The following HAUS2 variants were observed in gnomAD, a reference collection of about 807,000 sequenced individuals.
The protein encoded by HAUS2 is HAUS augmin-like complex subunit 2.
HAUS2 carries 20 observed loss-of-function variants against 21.6 expected under a neutral mutation model. The ratio of observed to expected loss-of-function variants is 0.93; its 90% CI spans 0.65 to 1.35. The LOEUF (loss-of-function observed/expected upper bound fraction) is 1.35, where lower values mean the gene tolerates loss of function less well. Among genes scored for constraint, HAUS2 ranks in the 40% most tolerant of loss-of-function variants. HAUS2 has a pLI of 0.00. For missense variants in HAUS2, 297 were observed against 280.7 expected (o/e 1.06, Z -0.42); for synonymous variants, 113 against 95.6 (o/e 1.18, Z -1.06).
At position 42,548,846 on chromosome 15, in the gene HAUS2, C is replaced by T. The variant is rs959732239; in HGVS notation, c.-27C>T. 2.6e-6 allele frequency: 4 copies of T among 1,522,460 alleles called. No individual in the cohort carries two copies. Among genetic ancestry groups the T allele is most frequent in the Non-Finnish European group, 3.6e-6 (4 of 1,123,880 alleles). 94.3% of individuals were successfully genotyped at this position (1,522,460 alleles called of 1,614,324 possible). A position where few individuals can be genotyped will look rare whatever the true frequency, so the allele number is the denominator to read the frequency against. On this transcript the variant is annotated 5_prime_UTR_variant, in exon 1 of 6. Transcript: ENST00000260372. The stretch of plus-strand genomic sequence containing the variant: ...GCCCTGCGATCCCGCTCACTCTTGG[C>T]GCCTTCGCGGAAGGTGCGTCCGAGC...
rs1203684489 is a variant in HAUS2 at position 42,569,396 on chromosome 15, T to G, written c.*2580T>G. ...TCTTGACCTCACTGCAGCCTTGACCTCTCAGGCTCAAGTGATCCTCCCACC... is the reference window on the plus strand; with the variant it reads ...TCTTGACCTCACTGCAGCCTTGACCGCTCAGGCTCAAGTGATCCTCCCACC... On this transcript the variant is annotated 3_prime_UTR_variant, in exon 6 of 6. Coordinates refer to ENST00000260372, the MANE Select transcript of HAUS2 (RefSeq NM_018097.3). 1 of 149,582 alleles carries G rather than the reference T, an allele frequency of 6.7e-6. No individual in the cohort carries two copies. Among genetic ancestry groups the G allele is most frequent in the Non-Finnish European group, 1.5e-5 (1 of 67,462 alleles). The allele number at this position is 149,582 out of a possible 1,614,324, so 9.3% of individuals were successfully genotyped here.
At position 42,563,826 on chromosome 15, in the gene HAUS2, T is replaced by G; in HGVS notation, c.467T>G (p.Ile156Ser). 6.5e-7 allele frequency: 1 copy of G among 1,546,468 alleles called. No individual in the cohort carries two copies. Among genetic ancestry groups the G allele is most frequent in the Non-Finnish European group, 8.9e-7 (1 of 1,126,766 alleles). The change falls in exon 5 of 6, where the codon ATT becomes AGT. Residue 156 changes from isoleucine to serine, a missense_variant. Ile to Ser is a moderately radical substitution (Grantham distance 142). Coordinates refer to ENST00000260372, the MANE Select transcript of HAUS2 (RefSeq NM_018097.3). ...LETHLETIRN[I>S]PHLAANLKKM... ...ACCCACCTTGAAACAATTAGAAATA[T>G]TCCTCATTTAGCTGCAAATCTAAAG...
intron 1 of HAUS2, among the ~76,000 whole-genome samples, chr15:42,550,122 G>C (rs1289766180): frequency 1.3e-5 from 2 of 151,988 alleles, no homozygotes; most frequent in Non-Finnish European, 2.9e-5. Flanking sequence ...CATATTAGCC[G>C]GCATGGTGGC....
At chr15:42,555,644 A>G (rs2057765291) in intron 1 of HAUS2, among the ~76,000 whole-genome samples, 1 of 152,118 alleles carries the variant, frequency 6.6e-6, no homozygotes, top group Non-Finnish European at 1.5e-5. Context: ...TGATCTTTCT[A>G]TCTAGAATAC....
At chr15:42,558,684 G>T (rs1037508775) in intron 2 of HAUS2, among the ~76,000 whole-genome samples, 95 of 152,082 alleles carry the variant, frequency 6.2e-4, no homozygotes, top group African/African-American at 2.3e-3. Context: ...TTGGCCAGAT[G>T]TAGTGGCTCA....
intron 1 of HAUS2, among the ~76,000 whole-genome samples, chr15:42,552,590 A>G (rs10851410): frequency 0.33 from 50,124 of 152,084 alleles, 10,492 homozygotes; most frequent in African/African-American, 0.59. Flanking sequence ...AGGTAGGGCT[A>G]TCTGTAGGAT....
At position 42,569,076 on chromosome 15, in the gene HAUS2, G is replaced by C. The variant is rs2057933720; in HGVS notation, c.*2260G>C. ...ACAGCAAAGAAAAAGGCACACTGTG[G>C]TATAACTTTGGAGGTTTACCTTGCA... On this transcript the variant is annotated 3_prime_UTR_variant, in exon 6 of 6. Coordinates refer to ENST00000260372, the MANE Select transcript of HAUS2 (RefSeq NM_018097.3). The C allele has an allele frequency of 1.3e-5, 2 of 152,116 alleles. No individual in the cohort carries two copies. Among genetic ancestry groups the C allele is most frequent in the Non-Finnish European group, 2.9e-5 (2 of 68,030 alleles). The allele number at this position is 152,116 out of a possible 1,614,324, so 9.4% of individuals were successfully genotyped here.
At chr15:42,563,563 T>G (rs1566835306) in intron 4 of HAUS2, among the ~76,000 whole-genome samples, 186 bp from the exon 5 acceptor site, 1 of 152,212 alleles carries the variant, frequency 6.6e-6, no homozygotes, top group Non-Finnish European at 1.5e-5. Context: ...GACAAGTTGC[T>G]TAAAGTGAAA....
chr15:42,551,868 C>T (rs888727234), intron 1 of HAUS2, among the ~76,000 whole-genome samples: 28 of 152,092 alleles, frequency 1.8e-4, no homozygotes, highest in Admixed American at 7.2e-4. Context: ...TGTCCCACTC[C>T]ATAGCTCCTT....
intron 3 of HAUS2, 77 bp from the exon 4 acceptor site, chr15:42,561,193 C>A: frequency 1.1e-6 from 1 of 930,270 alleles, no homozygotes; most frequent in Non-Finnish European, 1.7e-6. Context: ...TGGGTAGTGT[C>A]AAACCAAGGC....
Position 42,565,387 on chromosome 15 carries a change from A to ATGTGTGTGTGTG in HAUS2, c.499-1186_499-1175dup, listed in dbSNP as rs139933934. Among the ~76,000 whole-genome samples the ATGTGTGTGTGTG allele has an allele frequency of 1.6e-3, 214 of 136,488 alleles. 2 individuals are homozygous for ATGTGTGTGTGTG. Among genetic ancestry groups the ATGTGTGTGTGTG allele is most frequent in the African/African-American group, 5.1e-3 (194 of 37,946 alleles). The allele number at this position is 136,488 out of a possible 152,430, so 89.5% of individuals were successfully genotyped here. A position where few individuals can be genotyped will look rare whatever the true frequency, so the allele number is the denominator to read the frequency against. On this transcript the variant is annotated intron_variant, in intron 5 of 5. Coordinates refer to ENST00000260372, the MANE Select transcript of HAUS2 (RefSeq NM_018097.3). ...TGTCTGAGTATTGGGGAGCCATTGAATGTGTGTGTGTGTGTGTGTGTGTGT... is the reference window on the plus strand; with the variant it reads ...TGTCTGAGTATTGGGGAGCCATTGAATGTGTGTGTGTGTGTGTGTGTGTGTGTGTGTGTGTGT...
In HAUS2 at chr15:42,567,867, T is replaced by C. The variant is rs2057921408; in HGVS notation, c.*1051T>C. On this transcript the variant is annotated 3_prime_UTR_variant, in exon 6 of 6. Coordinates refer to ENST00000260372, the MANE Select transcript of HAUS2 (RefSeq NM_018097.3). Reference sequence around the variant, plus strand: ...TCCAAAAAAATAAAAAATACAAAAATTAGCCAGGCATGGTAGCATGTGCCT... The same window carrying C: ...TCCAAAAAAATAAAAAATACAAAAACTAGCCAGGCATGGTAGCATGTGCCT... 6.6e-6 allele frequency: 1 copy of C among 151,718 alleles called. No homozygotes were observed. The highest frequency in any genetic ancestry group is 1.5e-5 in the Non-Finnish European group (1 of 67,966). 9.4% of individuals were successfully genotyped at this position (151,718 alleles called of 1,614,324 possible).
At chr15:42,558,428 C>T (rs779235671) in intron 2 of HAUS2, 138 bp downstream of exon 2, 59 of 529,066 alleles carry the variant, frequency 1.1e-4, no homozygotes, top group Non-Finnish European at 1.8e-4. Context: ...CCCAGGTTCA[C>T]GCCGTTCTTC....
chr15:42,559,583 T>A (rs1300364157), intron 3 of HAUS2, among the ~76,000 whole-genome samples, 175 bp downstream of exon 3: 1 of 152,138 alleles, frequency 6.6e-6, no homozygotes, highest in Non-Finnish European at 1.5e-5. Context: ...GCTTGAGTAG[T>A]ACAAATAGCA....
At position 42,558,301 on chromosome 15, in the gene HAUS2, T is replaced by C. The variant is rs183430573; in HGVS notation, c.186+11T>C. On this transcript the variant is annotated intron_variant, in intron 2 of 5. Transcript: ENST00000260372. ...GCTGAAATCTACCAGGTAAATCATT[T>C]TGTTTTCACTTTCTTTTTTTTTTTT... 13 of 1,044,346 alleles carry C rather than the reference T, an allele frequency of 1.2e-5. No homozygotes were observed. The African/African-American group carries it at 1.8e-4, about 14-fold the overall frequency. The allele number at this position is 1,044,346 out of a possible 1,614,324, so 64.7% of individuals were successfully genotyped here.
In HAUS2 at chr15:42,563,865, T is replaced by G. The variant is rs763655314; in HGVS notation, c.498+8T>G. On this transcript the variant is annotated splice_region_variant and intron_variant, in intron 5 of 5. Transcript: ENST00000260372. Reference sequence around the variant, plus strand: ...GCAAATCTAAAGAAAATGGTGAGTATTAATATAGCAATCTTCAGTTATTTT... The same window carrying G: ...GCAAATCTAAAGAAAATGGTGAGTAGTAATATAGCAATCTTCAGTTATTTT... The G allele has an allele frequency of 2.5e-6, 3 of 1,188,644 alleles. No homozygotes were observed. In the South Asian group the frequency reaches 3.9e-5, roughly 15 times the overall value. The allele number at this position is 1,188,644 out of a possible 1,614,324, so 73.6% of individuals were successfully genotyped here. A position where few individuals can be genotyped will look rare whatever the true frequency, so the allele number is the denominator to read the frequency against.
At chr15:42,565,010 T>C (rs1250986562) in intron 5 of HAUS2, among the ~76,000 whole-genome samples, 1 of 152,162 alleles carries the variant, frequency 6.6e-6, no homozygotes, top group Non-Finnish European at 1.5e-5. Context: ...TAATAGTTTG[T>C]ATTTTTAGTA....
At chr15:42,555,560 G>A (rs1219136132) in intron 1 of HAUS2, among the ~76,000 whole-genome samples, 1 of 152,194 alleles carries the variant, frequency 6.6e-6, no homozygotes, top group African/African-American at 2.4e-5. Context: ...TGGAGACTAT[G>A]TTTTCAGCTA....
intron 5 of HAUS2, among the ~76,000 whole-genome samples, chr15:42,565,099 A>G (rs2057892999): frequency 1.3e-5 from 2 of 152,224 alleles, no homozygotes; most frequent in Non-Finnish European, 1.5e-5. Flanking sequence ...AGCCTCCCAA[A>G]GTGTTGGGAT....
Sources: gnomAD v4.1 joint callset for allele counts (sites outside exome capture counted in the v4.1 genomes callset) on GRCh38, gnomAD v4.1.1 for gene constraint, MANE v1.5 for transcripts, NCBI Gene and HGNC (gene_info 2026-07-23, HGNC 2026-07-21) for gene names.